RTN1: variants seen among roughly 807,000 people sequenced by gnomAD.
RTN1 encodes the protein reticulon 1.
In RTN1, 25 loss-of-function variants were observed where a neutral mutation model predicts 65.5. The observed-to-expected ratio is 0.38, with a 90% CI of 0.28 to 0.53. RTN1 has a LOEUF of 0.53. Among genes scored for constraint, RTN1 ranks in the 20% least tolerant of loss-of-function variants. The pLI is 0.79. For missense variants in RTN1, 983 were observed against 1,025.4 expected (o/e 0.96, Z 0.57); for synonymous variants, 471 against 447.6 (o/e 1.05, Z -0.66).
intron 4 of RTN1, chr14:59,605,800 A>T: frequency 3.7e-6 from 1 of 269,902 alleles, no homozygotes; most frequent in Non-Finnish European, 6.9e-6. Flanking sequence ...CCAGAGAAAA[A>T]AAATTAGTGC....
intron 1 of RTN1, among the ~76,000 whole-genome samples, chr14:59,835,478 CT>C (rs1016729946): frequency 2.6e-5 from 4 of 152,018 alleles, no homozygotes; most frequent in African/African-American, 7.2e-5. Context: ...TTCAATAAAA[CT>C]TTTTTAAAAG....
intron 1 of RTN1, among the ~76,000 whole-genome samples, chr14:59,771,629 CA>C (rs1167127484): frequency 2.6e-5 from 4 of 152,266 alleles, no homozygotes; most frequent in Non-Finnish European, 5.9e-5. Flanking sequence ...TAATAAATGC[CA>C]AATGGCTGCT....
Position 59,618,085 on chromosome 14 carries a change from G to C in RTN1, c.1766-10593C>G, listed in dbSNP as rs568979263. Among the ~76,000 whole-genome samples the C allele has an allele frequency of 1.1e-3, 162 of 147,736 alleles. 3 individuals are homozygous for C. In the South Asian group the frequency reaches 0.033, roughly 30 times the overall value. ...TGCTTCTAACCTCTAAGCTGTCCTT[G>C]TTCATTCCTGGGTGTAGGCTGAACT... On this transcript the variant is annotated intron_variant, in intron 3 of 8. Coordinates refer to ENST00000267484, the MANE Select transcript of RTN1 (RefSeq NM_021136.3).
At position 59,816,815 on chromosome 14, in the gene RTN1, C is replaced by T. The variant is rs1454627847; in HGVS notation, c.241+53575G>A. Among the ~76,000 whole-genome samples the T allele has an allele frequency of 1.3e-5, 2 of 152,040 alleles. No individual in the cohort carries two copies. Among genetic ancestry groups the T allele is most frequent in the Admixed American group, 1.3e-4 (2 of 15,270 alleles). The stretch of plus-strand genomic sequence containing the variant: ...GGGTGTGGTGGCATGTGCCTGTGGT[C>T]CCAGCTACTCGGGAGGCTAAGGTGG... On this transcript the variant is annotated intron_variant, in intron 1 of 8. Coordinates refer to ENST00000267484, the MANE Select transcript of RTN1 (RefSeq NM_021136.3). This position sits in a 1 kb window ranked among gnomAD's most constrained non-coding sequence, Gnocchi z 4.3.
intron 3 of RTN1, among the ~76,000 whole-genome samples, chr14:59,709,780 G>A (rs1449210827): frequency 6.6e-6 from 1 of 152,134 alleles, no homozygotes; most frequent in Non-Finnish European, 1.5e-5. Flanking sequence ...GCAGTCATCT[G>A]AAGCATTTTA....
At chr14:59,644,727 T>C (rs556450637) in intron 3 of RTN1, among the ~76,000 whole-genome samples, 15 of 152,314 alleles carry the variant, frequency 9.8e-5, no homozygotes, top group African/African-American at 3.6e-4. Context: ...CTCCCTGAGA[T>C]GGAGCTCCCA....
intron 1 of RTN1, among the ~76,000 whole-genome samples, chr14:59,859,856 T>C (rs190264310): frequency 1.1e-4 from 16 of 152,328 alleles, no homozygotes; most frequent in African/African-American, 3.6e-4. Flanking sequence ...TTTGTGGAAC[T>C]TCAAACTTGA....
At chr14:59,630,450 A>G (rs915025882) in intron 3 of RTN1, 3 of 1,613,668 alleles carry the variant, frequency 1.9e-6, no homozygotes, top group Non-Finnish European at 2.5e-6. Context: ...GAATACCCTG[A>G]CTTTTCCAGT....
chr14:59,704,520 A>G (rs1594688874), intron 3 of RTN1, among the ~76,000 whole-genome samples: 1 of 152,162 alleles, frequency 6.6e-6, no homozygotes, highest in East Asian at 1.9e-4. Flanking sequence ...TGGAGCTTCA[A>G]AGGCCCAGAG....
intron 3 of RTN1, among the ~76,000 whole-genome samples, chr14:59,643,252 T>TA (rs371645314): frequency 3.0e-4 from 45 of 150,074 alleles, no homozygotes; most frequent in Admixed American, 1.3e-3. Flanking sequence ...CTACAAAAAA[T>TA]AAAAAAAAAA....
chr14:59,792,136 G>A (rs1456019893), intron 1 of RTN1, among the ~76,000 whole-genome samples: 1 of 152,136 alleles, frequency 6.6e-6, no homozygotes, highest in Admixed American at 6.6e-5. Context: ...TTTGATGGCT[G>A]CCAGCATACT....
chr14:59,642,826 A>G (rs1028954045), intron 3 of RTN1, among the ~76,000 whole-genome samples: 15 of 151,974 alleles, frequency 9.9e-5, no homozygotes, highest in Non-Finnish European at 2.2e-4. Flanking sequence ...TGTTGGTCTC[A>G]TGTTTTTGCC....
chr14:59,625,295 C>G lies in RTN1; in HGVS notation c.1766-17803G>C, dbSNP rs1433865815. 2.6e-5 allele frequency among the ~76,000 whole-genome samples: 4 copies of G among 152,260 alleles called. No homozygotes were observed. In the East Asian group the frequency reaches 7.7e-4, roughly 29 times the overall value. ...TAGATTTGAAGATGTAAATTTAGAT[C>G]AGTATTTCGTCAACCTTTCTAACCC... On this transcript the variant is annotated intron_variant, in intron 3 of 8. Coordinates refer to ENST00000267484, the MANE Select transcript of RTN1 (RefSeq NM_021136.3).
intron 1 of RTN1, among the ~76,000 whole-genome samples, chr14:59,853,582 C>T (rs1052711089): frequency 6.6e-6 from 1 of 152,154 alleles, no homozygotes; most frequent in Non-Finnish European, 1.5e-5. Flanking sequence ...CTGCCCAGAC[C>T]TTCACATGTT....
intron 5 of RTN1, 108 bp downstream of exon 5, chr14:59,605,260 A>G (rs1385682828): frequency 1.7e-6 from 2 of 1,202,838 alleles, no homozygotes; most frequent in Non-Finnish European, 1.2e-6. Context: ...ACTCTAGAAT[A>G]TAATTAGCAC....
chr14:59,782,297 G>A (rs1468219444), intron 1 of RTN1, among the ~76,000 whole-genome samples: 2 of 152,154 alleles, frequency 1.3e-5, no homozygotes, highest in African/African-American at 4.8e-5. Context: ...ACAGAAAAGT[G>A]GGTCATGAAG....
In RTN1 at chr14:59,727,306, C is replaced by A; in HGVS notation, c.1378G>T (p.Ala460Ser). Residue 460 changes from alanine (A) to serine (S), a missense_variant, in exon 3 of 9, where the codon GCC becomes TCC. By Grantham distance (99) the Ala-to-Ser change is moderately conservative (BLOSUM62 1). This residue lies in a region of RTN1 where 818 missense variants were observed against 801.8 expected (regional missense o/e 1.02). Transcript: ENST00000267484. The surrounding 1 kb of genome is among the most constrained non-coding windows in gnomAD (Gnocchi z 4.2). ...ATGATGAGCTCGCTGTCCAGCTCGG[C>A]CTCGCGCTCCTCCCTCAGGATGCTG... is the stretch of plus-strand genomic sequence containing the variant. The part of the protein sequence containing the change: ...QYSILREERE[A>S]ELDSELIIES... The A allele has an allele frequency of 6.7e-7, 1 of 1,494,102 alleles. No individual in the cohort carries two copies. Among genetic ancestry groups the A allele is most frequent in the Non-Finnish European group, 8.9e-7 (1 of 1,121,424 alleles). 92.6% of individuals were successfully genotyped at this position (1,494,102 alleles called of 1,614,324 possible).
intron 3 of RTN1, among the ~76,000 whole-genome samples, chr14:59,708,618 C>G (rs1486029335): frequency 6.6e-6 from 1 of 152,144 alleles, no homozygotes; most frequent in African/African-American, 2.4e-5. Flanking sequence ...GAAGACACTC[C>G]CAAGGTTTGT....
At chr14:59,862,553 C>T (rs1424925297) in intron 1 of RTN1, among the ~76,000 whole-genome samples, 1 of 152,180 alleles carries the variant, frequency 6.6e-6, no homozygotes, top group Non-Finnish European at 1.5e-5. Context: ...CATATACAAT[C>T]CACTGCTTAT....
Sources: gnomAD v4.1 joint callset for allele counts (sites outside exome capture counted in the v4.1 genomes callset) on GRCh38, gnomAD v4.1.1 for gene constraint, gnomAD v4.1.1 regional missense constraint, Gnocchi (gnomAD v3.1) non-coding constraint, MANE v1.5 for transcripts, NCBI Gene and HGNC (gene_info 2026-07-23, HGNC 2026-07-21) for gene names.